The following RCOR1 variants were observed in gnomAD, a reference collection of about 807,000 sequenced individuals.
RCOR1 encodes the protein REST corepressor 1.
RCOR1 carries 12 observed loss-of-function variants against 64.0 expected under a neutral mutation model. That is an observed-to-expected ratio of 0.19 (90% CI 0.12 to 0.30). The LOEUF is 0.30. Ranked by LOEUF, RCOR1 falls within the 10% of genes least tolerant of loss-of-function variation. The probability of loss-of-function intolerance (pLI) is 1.00; values close to 1 mark genes in which losing one functional copy is unlikely to be tolerated. For missense variants in RCOR1, 502 were observed against 621.2 expected (o/e 0.81, Z 2.04); for synonymous variants, 279 against 227.2 (o/e 1.23, Z -2.05).
intron 2 of RCOR1, among the ~76,000 whole-genome samples, chr14:102,603,678 T>G (rs1893448565): frequency 6.6e-6 from 1 of 152,088 alleles, no homozygotes; most frequent in Non-Finnish European, 1.5e-5. Flanking sequence ...TGGAGTGCGG[T>G]GGCTTAATCT....
At chr14:102,622,347 T>C (rs1430076712) in intron 2 of RCOR1, among the ~76,000 whole-genome samples, 4 of 152,296 alleles carry the variant, frequency 2.6e-5, no homozygotes, top group Admixed American at 6.5e-5. Flanking sequence ...CCTAAAACTT[T>C]GGCTGTTCCT....
intron 2 of RCOR1, among the ~76,000 whole-genome samples, chr14:102,614,291 C>T (rs1279899245): frequency 6.9e-6 from 1 of 145,184 alleles, no homozygotes; most frequent in African/African-American, 2.6e-5. Context: ...GTGGCGCCAT[C>T]TCGGCTCACT....
At chr14:102,649,333 A>G (rs1315981720) in intron 2 of RCOR1, among the ~76,000 whole-genome samples, 3 of 152,212 alleles carry the variant, frequency 2.0e-5, no homozygotes, top group South Asian at 2.1e-4. Flanking sequence ...AAAAAAGTAC[A>G]CAGGGGCCTT....
At chr14:102,684,196 G>A (rs558787222) in intron 3 of RCOR1, among the ~76,000 whole-genome samples, 10 of 152,198 alleles carry the variant, frequency 6.6e-5, no homozygotes, top group Non-Finnish European at 1.5e-4. Flanking sequence ...TAGCAAACCC[G>A]TGGAAATGAC....
chr14:102,657,377 T>A, intron 2 of RCOR1: 1 of 985,394 alleles, frequency 1.0e-6, no homozygotes, highest in Non-Finnish European at 1.2e-6. Context: ...AAGACCGATT[T>A]ACTTCTTCTT....
At chr14:102,625,842 T>A (rs1265482921) in intron 2 of RCOR1, among the ~76,000 whole-genome samples, 1 of 152,180 alleles carries the variant, frequency 6.6e-6, no homozygotes, top group Non-Finnish European at 1.5e-5. Context: ...TCAGTATGCC[T>A]AATGATATTC....
chr14:102,673,575 TC>T (rs1383573571), intron 2 of RCOR1, among the ~76,000 whole-genome samples: 3 of 152,076 alleles, frequency 2.0e-5, no homozygotes, highest in South Asian at 2.1e-4. Flanking sequence ...GACCTTGTGA[TC>T]CGCCCGCCTT....
At chr14:102,725,738 G>A (rs1896245629) in intron 11 of RCOR1, among the ~76,000 whole-genome samples, 1 of 152,024 alleles carries the variant, frequency 6.6e-6, no homozygotes, top group Admixed American at 6.6e-5. Flanking sequence ...ACCACGCACG[G>A]CCAATATTTC....
At chr14:102,649,706 A>G (rs148443885) in intron 2 of RCOR1, 1 of 707,536 alleles carries the variant, frequency 1.4e-6, no homozygotes, top group Non-Finnish European at 1.7e-6. Context: ...GTGTTGTCCT[A>G]GTTGCATGGC....
At chr14:102,661,230 C>T (rs539458568) in intron 2 of RCOR1, among the ~76,000 whole-genome samples, 3 of 152,068 alleles carry the variant, frequency 2.0e-5, no homozygotes, top group Non-Finnish European at 4.4e-5. Flanking sequence ...TACCTGTAGT[C>T]CTAGCTACTT....
In RCOR1 at chr14:102,593,208, C is replaced by CGGCCCCG. The variant is rs1555460453; in HGVS notation, c.301+29_301+35dup. On this transcript the variant is annotated intron_variant, in intron 1 of 11. Transcript: ENST00000262241. ...GCACGGTAGGTGGCAGCCGCCCCCG[C>CGGCCCCG]GGCCCCGGGCCCCGCGCCCCGCGCC... 3.4e-6 allele frequency: 5 copies of CGGCCCCG among 1,473,528 alleles called. No individual in the cohort carries two copies. The African/African-American group carries it at 4.4e-5, about 13-fold the overall frequency. 91.3% of individuals were successfully genotyped at this position (1,473,528 alleles called of 1,614,324 possible).
intron 2 of RCOR1, among the ~76,000 whole-genome samples, chr14:102,634,576 A>G (rs1157096469): frequency 6.6e-6 from 1 of 151,144 alleles, no homozygotes; most frequent in Non-Finnish European, 1.5e-5. Context: ...GTTTTTTGAC[A>G]TCTTTCCACA....
At chr14:102,601,288 C>T (rs982160626) in intron 2 of RCOR1, among the ~76,000 whole-genome samples, 1 of 152,160 alleles carries the variant, frequency 6.6e-6, no homozygotes, top group Non-Finnish European at 1.5e-5. Context: ...GCTGGGATTA[C>T]AGGCTTGAGC....
chr14:102,609,327 G>A lies in RCOR1; in HGVS notation c.361+16002G>A, dbSNP rs1893579391. Reference sequence around the variant, plus strand: ...CAAAGTGCTGGGATTACAGATGTGAGCCACTGTGCCTGGTCTGTGCTTAAC... The same window carrying A: ...CAAAGTGCTGGGATTACAGATGTGAACCACTGTGCCTGGTCTGTGCTTAAC... On this transcript the variant is annotated intron_variant, in intron 2 of 11. Transcript: ENST00000262241. Among the ~76,000 whole-genome samples, 3 of 151,444 alleles carry A rather than the reference G, an allele frequency of 2.0e-5. No individual in the cohort carries two copies. In the South Asian group the frequency reaches 6.3e-4, roughly 32 times the overall value.
At chr14:102,676,712 G>A (rs865876151) in intron 2 of RCOR1, among the ~76,000 whole-genome samples, 1 of 113,388 alleles carries the variant, frequency 8.8e-6, no homozygotes, top group Non-Finnish European at 1.9e-5. Context: ...CGGACTGGGC[G>A]GCTGGCCGGG....
In RCOR1 at chr14:102,726,900, A is replaced by G. The variant is rs573739701; in HGVS notation, c.*394A>G. ...TGTTCCTGCATGGCCTGCAGTTTCTACTTTGTGCATAGAGTCATTTTCAGA... is the reference window on the plus strand; with the variant it reads ...TGTTCCTGCATGGCCTGCAGTTTCTGCTTTGTGCATAGAGTCATTTTCAGA... On this transcript the variant is annotated 3_prime_UTR_variant, in exon 12 of 12. Transcript: ENST00000262241. 2 of 212,464 alleles carry G rather than the reference A, an allele frequency of 9.4e-6. No individual in the cohort carries two copies. Among genetic ancestry groups the G allele is most frequent in the East Asian group, 1.2e-4 (1 of 8,268 alleles). 13.2% of individuals were successfully genotyped at this position (212,464 alleles called of 1,614,324 possible).
chr14:102,606,934 G>GTTTTT (rs11464849), intron 2 of RCOR1, among the ~76,000 whole-genome samples: 2 of 112,066 alleles, frequency 1.8e-5, no homozygotes, highest in East Asian at 2.5e-4. Context: ...TTTTGTGTTA[G>GTTTTT]TTTTTTTTTT....
intron 3 of RCOR1, among the ~76,000 whole-genome samples, chr14:102,682,526 T>C (rs1001800665): frequency 2.6e-5 from 4 of 152,226 alleles, no homozygotes; most frequent in Non-Finnish European, 5.9e-5. Context: ...CTTTGCTAAA[T>C]AAGTTTGCTT....
intron 7 of RCOR1, among the ~76,000 whole-genome samples, chr14:102,712,283 A>C (rs1451970320): frequency 1.3e-5 from 2 of 151,822 alleles, no homozygotes; most frequent in African/African-American, 4.8e-5. Context: ...CCCAGATTCA[A>C]GTGATTCTCC....
Sources: gnomAD v4.1 joint callset for allele counts (sites outside exome capture counted in the v4.1 genomes callset) on GRCh38, gnomAD v4.1.1 for gene constraint, MANE v1.5 for transcripts, NCBI Gene and HGNC (gene_info 2026-07-23, HGNC 2026-07-21) for gene names.